Variants in CPNE4 observed in about 807,000 individuals in gnomAD.
CPNE4 encodes the protein copine 4, also known as copine-4.
A neutral mutation model predicts 67.9 loss-of-function variants in CPNE4; 25 were observed. The ratio of observed to expected loss-of-function variants is 0.37; its 90% CI spans 0.27 to 0.51. CPNE4 has a LOEUF of 0.51. Among genes scored for constraint, CPNE4 ranks in the 20% least tolerant of loss-of-function variants. The pLI, the probability that CPNE4 is intolerant of heterozygous loss-of-function variation, is 0.93. For missense variants in CPNE4, 464 were observed against 690.8 expected, an observed-to-expected ratio of 0.67 and a Z score of 3.68; for synonymous variants, 242 against 244.9, an observed-to-expected ratio of 0.99 and a Z score of 0.11.
intron 2 of CPNE4, among the ~76,000 whole-genome samples, chr3:131,810,632 C>T (rs1298812171): frequency 6.6e-6 from 1 of 152,044 alleles, no homozygotes; most frequent in Non-Finnish European, 1.5e-5. Context: ...ATGGAGAGTT[C>T]TAACAAATTA....
chr3:131,992,506 G>T (rs929146834), intron 1 of CPNE4, among the ~76,000 whole-genome samples: 1 of 136,622 alleles, frequency 7.3e-6, no homozygotes, highest in African/African-American at 2.5e-5. Context: ...TAACTAACTT[G>T]CTTTTAGTTT....
chr3:131,903,729 T>C (rs2088639051), intron 2 of CPNE4, among the ~76,000 whole-genome samples: 1 of 152,148 alleles, frequency 6.6e-6, no homozygotes, highest in Non-Finnish European at 1.5e-5. Flanking sequence ...AGAACTAAAC[T>C]GGTAATTTAG....
intron 2 of CPNE4, among the ~76,000 whole-genome samples, chr3:131,797,675 G>A (rs2083954773): frequency 6.6e-6 from 1 of 152,120 alleles, no homozygotes; most frequent in South Asian, 2.1e-4. Flanking sequence ...CCTCCATCTA[G>A]CAATGGCAAT....
chr3:131,683,574 G>A (rs2080810343), intron 6 of CPNE4, among the ~76,000 whole-genome samples: 1 of 152,048 alleles, frequency 6.6e-6, no homozygotes, highest in Admixed American at 6.5e-5. Context: ...GGAGCCGTGT[G>A]CTGCACTGCT....
intron 1 of CPNE4, among the ~76,000 whole-genome samples, chr3:131,922,790 A>G (rs992183775): frequency 6.6e-6 from 1 of 152,162 alleles, no homozygotes; most frequent in Admixed American, 6.5e-5. Flanking sequence ...GAATAGACAT[A>G]AAAGAAGCAA....
rs1279076822 is a variant in CPNE4, at chr3:132,016,790, T to G, written c.-2+17777A>C. Reference sequence around the variant, plus strand: ...TTCTCAGGACTCAAAAGGCTTCTCCTTCATCCATCTAGCAGTCATATTCAC... The same window carrying G: ...TTCTCAGGACTCAAAAGGCTTCTCCGTCATCCATCTAGCAGTCATATTCAC... On this transcript the variant is annotated intron_variant, in intron 1 of 15. Coordinates refer to ENST00000429747, the MANE Select transcript of CPNE4 (RefSeq NM_130808.3). Among the ~76,000 whole-genome samples the G allele has an allele frequency of 2.0e-5, 3 of 152,338 alleles. No individual in the cohort carries two copies. The South Asian group carries it at 6.2e-4, about 32-fold the overall frequency.
intron 6 of CPNE4, among the ~76,000 whole-genome samples, chr3:131,670,446 T>C (rs140495885): frequency 1.7e-3 from 259 of 152,348 alleles, no homozygotes; most frequent in African/African-American, 5.7e-3. Context: ...AATCCTGGCC[T>C]AAGAATCTAT....
At chr3:131,607,955 C>T (rs907394999) in intron 7 of CPNE4, among the ~76,000 whole-genome samples, 2 of 152,136 alleles carry the variant, frequency 1.3e-5, no homozygotes, top group Non-Finnish European at 2.9e-5. Context: ...CTGACAGCAG[C>T]TGCTTCCTTA....
chr3:131,885,533 TAA>T (rs2087846853), intron 2 of CPNE4, among the ~76,000 whole-genome samples: 1 of 151,488 alleles, frequency 6.6e-6, no homozygotes. Flanking sequence ...AAATTTTTTT[TAA>T]TTTTTTTATT....
chr3:131,605,832 C>A (rs1939467418), intron 7 of CPNE4, among the ~76,000 whole-genome samples: 1 of 152,132 alleles, frequency 6.6e-6, no homozygotes, highest in Non-Finnish European at 1.5e-5. Flanking sequence ...TGGTTAACGT[C>A]ATTGAACATA....
chr3:131,882,055 T>A (rs1308678129), intron 2 of CPNE4, among the ~76,000 whole-genome samples: 1 of 152,092 alleles, frequency 6.6e-6, no homozygotes. Context: ...TCTCTTTAAA[T>A]AAGGCACAGC....
intron 14 of CPNE4, among the ~76,000 whole-genome samples, chr3:131,548,263 T>C (rs1360727519): frequency 2.0e-5 from 3 of 152,108 alleles, no homozygotes; most frequent in African/African-American, 7.2e-5. Flanking sequence ...ATATGAAAAG[T>C]AGAGTGGCTT....
intron 6 of CPNE4, among the ~76,000 whole-genome samples, chr3:131,681,067 C>T (rs11928029): frequency 0.049 from 7,467 of 152,274 alleles, 527 homozygotes; most frequent in African/African-American, 0.16. Context: ...CACTCATTGA[C>T]TGATAGACAT....
At chr3:131,813,770 G>T (rs752496115) in intron 2 of CPNE4, among the ~76,000 whole-genome samples, 1 of 152,168 alleles carries the variant, frequency 6.6e-6, no homozygotes, top group East Asian at 1.9e-4. Flanking sequence ...TGGGTTCTGG[G>T]AAGGAGAAGT....
chr3:131,762,867 G>GT (rs141875804), intron 2 of CPNE4, among the ~76,000 whole-genome samples: 9,017 of 150,324 alleles, frequency 0.06, 347 homozygotes, highest in Non-Finnish European at 0.089. Context: ...GTTTATTATG[G>GT]TTTTTTTTCC....
At chr3:131,629,904 T>TTCTC (rs144642297) in intron 7 of CPNE4, among the ~76,000 whole-genome samples, 1 of 150,722 alleles carries the variant, frequency 6.6e-6, no homozygotes, top group Non-Finnish European at 1.5e-5. Flanking sequence ...CTCTCTCTCG[T>TTCTC]TCTCTCTCTC....
rs899678294 is a variant in CPNE4, at chr3:131,581,955, A to G, written c.781-290T>C. Among the ~76,000 whole-genome samples the G allele has an allele frequency of 8.5e-5, 13 of 152,328 alleles. No individual in the cohort carries two copies. In the East Asian group the frequency reaches 2.3e-3, roughly 27 times the overall value. ...ATGTCTTCTCTGCAAAATGGAGCTTATAATTATACTCTATCTCATAGGATT... is the reference window on the plus strand; with the variant it reads ...ATGTCTTCTCTGCAAAATGGAGCTTGTAATTATACTCTATCTCATAGGATT... On this transcript the variant is annotated intron_variant, in intron 8 of 15. Coordinates refer to ENST00000429747, the MANE Select transcript of CPNE4 (RefSeq NM_130808.3).
At chr3:131,904,858 G>A (rs534608551) in intron 2 of CPNE4, among the ~76,000 whole-genome samples, 30 of 152,072 alleles carry the variant, frequency 2.0e-4, no homozygotes, top group South Asian at 1.5e-3. Context: ...TTCTTATTAA[G>A]TCTAATCTGA....
rs146705600 is a variant in CPNE4, at chr3:131,792,663, G to GTATATATATACATATATACACATGTGTA, written c.181-69039_181-69038insTACACATGTGTATATATGTATATATATA. On this transcript the variant is annotated intron_variant, in intron 2 of 15. Transcript: ENST00000429747. ...TGTATATATGTATATATACACACGT[G>GTATATATATACATATATACACATGTGTA]TATATATACATATATACACACGTGT... 4.2e-5 allele frequency among the ~76,000 whole-genome samples: 2 copies of GTATATATATACATATATACACATGTGTA among 48,062 alleles called. 1 individual carries two copies. The highest frequency in any genetic ancestry group is 8.4e-5 in the Non-Finnish European group (2 of 23,818). 31.5% of individuals were successfully genotyped at this position (48,062 alleles called of 152,430 possible). A position where few individuals can be genotyped will look rare whatever the true frequency, so the allele number is the denominator to read the frequency against.
Sources: gnomAD v4.1 joint callset for allele counts (sites outside exome capture counted in the v4.1 genomes callset) on GRCh38, gnomAD v4.1.1 for gene constraint, MANE v1.5 for transcripts, NCBI Gene and HGNC (gene_info 2026-07-23, HGNC 2026-07-21) for gene names.